Variants in SEMA3E observed in about 807,000 individuals in gnomAD.
SEMA3E encodes the protein semaphorin 3E.
Under a neutral mutation model 93.6 loss-of-function variants are expected in SEMA3E, and 49 were observed. The observed-to-expected ratio is 0.52, with a 90% confidence interval of 0.42 to 0.66. SEMA3E has a LOEUF of 0.66. Ranked by LOEUF, SEMA3E falls within the 30% of genes least tolerant of loss-of-function variation. The pLI, the probability that SEMA3E is intolerant of heterozygous loss-of-function variation, is 0.00. For missense variants in SEMA3E, 906 were observed against 964.8 expected, an observed-to-expected ratio of 0.94 and a Z score of 0.81; for synonymous variants, 363 against 330.7, an observed-to-expected ratio of 1.10 and a Z score of -1.06.
At chr7:83,370,925 T>A (rs1794741308) in intron 16 of SEMA3E, among the ~76,000 whole-genome samples, 1 of 152,172 alleles carries the variant, frequency 6.6e-6, no homozygotes, top group Admixed American at 6.6e-5. Context: ...CAGATCTCTA[T>A]TTCTTGCCTG....
At chr7:83,576,451 G>A (rs1361032145) in intron 1 of SEMA3E, among the ~76,000 whole-genome samples, 1 of 151,782 alleles carries the variant, frequency 6.6e-6, no homozygotes, top group Non-Finnish European at 1.5e-5. Flanking sequence ...ATATATCACA[G>A]GATATATAAG....
chr7:83,526,134 A>C (rs960299848), intron 1 of SEMA3E, among the ~76,000 whole-genome samples: 2 of 152,064 alleles, frequency 1.3e-5, no homozygotes, highest in African/African-American at 4.8e-5. Context: ...CAGCCTATAC[A>C]CATTTCTTCC....
At chr7:83,623,896 C>A (rs527438544) in intron 1 of SEMA3E, among the ~76,000 whole-genome samples, 2 of 151,702 alleles carry the variant, frequency 1.3e-5, no homozygotes, top group East Asian at 1.9e-4. Context: ...CCCAACAGGC[C>A]CCAGTGTGTG....
At chr7:83,603,320 T>C (rs561060822) in intron 1 of SEMA3E, among the ~76,000 whole-genome samples, 6 of 152,122 alleles carry the variant, frequency 3.9e-5, no homozygotes, top group African/African-American at 1.4e-4. Flanking sequence ...TTTCTGGCCA[T>C]ATTAGGGAGG....
chr7:83,643,154 G>A (rs1012370446), intron 1 of SEMA3E, among the ~76,000 whole-genome samples: 10 of 152,014 alleles, frequency 6.6e-5, no homozygotes, highest in Non-Finnish European at 1.3e-4. Flanking sequence ...TAGAACTGAG[G>A]CCACCAAGTG....
chr7:83,374,595 T>C (rs1029163560), intron 16 of SEMA3E, among the ~76,000 whole-genome samples: 2 of 152,100 alleles, frequency 1.3e-5, no homozygotes, highest in Non-Finnish European at 2.9e-5. Context: ...TAAGTAACAG[T>C]CAAGCAATGA....
intron 11 of SEMA3E, among the ~76,000 whole-genome samples, chr7:83,397,351 T>C (rs370897229): frequency 6.6e-5 from 10 of 152,280 alleles, no homozygotes; most frequent in African/African-American, 7.2e-5. Context: ...TTATTCTAGC[T>C]ACTTTTTCTG....
chr7:83,454,347 TTAAAA>T (rs1789439856), intron 4 of SEMA3E, among the ~76,000 whole-genome samples: 1 of 138,078 alleles, frequency 7.2e-6, no homozygotes, highest in Non-Finnish European at 1.6e-5. Flanking sequence ...AACAGAAACT[TTAAAA>T]TAACAGATTT....
intron 1 of SEMA3E, among the ~76,000 whole-genome samples, chr7:83,630,158 G>C (rs879272766): frequency 6.6e-6 from 1 of 152,178 alleles, no homozygotes; most frequent in Non-Finnish European, 1.5e-5. Context: ...AGGCACCTCA[G>C]TTGGAAATGC....
At chr7:83,648,389 T>TA (rs753343464) in intron 1 of SEMA3E, 39 bp downstream of exon 1, 2 of 1,427,940 alleles carry the variant, frequency 1.4e-6, no homozygotes, top group African/African-American at 2.9e-5. Context: ...TTTTCTTTTT[T>TA]TTTTTTTTTA....
intron 1 of SEMA3E, among the ~76,000 whole-genome samples, chr7:83,611,142 C>T (rs1415128532): frequency 6.6e-6 from 1 of 150,850 alleles, no homozygotes; most frequent in African/African-American, 2.4e-5. Context: ...TCTATGGCAG[C>T]CCAGCCACTG....
chr7:83,414,819 T>C (rs754730522), intron 5 of SEMA3E, among the ~76,000 whole-genome samples: 1 of 152,074 alleles, frequency 6.6e-6, no homozygotes, highest in Non-Finnish European at 1.5e-5. Context: ...ATGTGTCTTA[T>C]CATACCTTAG....
chr7:83,579,370 T>C (rs6975881), intron 1 of SEMA3E, among the ~76,000 whole-genome samples: 19,969 of 152,108 alleles, frequency 0.13, 1,565 homozygotes, highest in African/African-American at 0.2. Flanking sequence ...TTTCAATCTA[T>C]TTCAAATTCA....
rs188359895 is a variant in SEMA3E, at chr7:83,383,057, T to C, written c.1875+2237A>G. ...AAATTTCAGTTAAATAAAAGGAAGA[T>C]GTATATACTCTGTGGTCTGATAAAT... On this transcript the variant is annotated intron_variant, in intron 16 of 16. Coordinates refer to ENST00000643230, the MANE Select transcript of SEMA3E (RefSeq NM_012431.3). 3.3e-5 allele frequency among the ~76,000 whole-genome samples: 5 copies of C among 152,008 alleles called. No homozygotes were observed. In the East Asian group the frequency reaches 9.7e-4, roughly 29 times the overall value.
At chr7:83,389,637 T>C (rs886176338) in intron 14 of SEMA3E, among the ~76,000 whole-genome samples, 2 of 151,310 alleles carry the variant, frequency 1.3e-5, no homozygotes, top group Admixed American at 6.6e-5. Flanking sequence ...TACACACACA[T>C]ACACGTATAT....
intron 1 of SEMA3E, among the ~76,000 whole-genome samples, chr7:83,637,514 A>G (rs1265456814): frequency 6.6e-6 from 1 of 152,062 alleles, no homozygotes; most frequent in Admixed American, 6.5e-5. Flanking sequence ...AATAATCCCC[A>G]TGTGTCAAGG....
intron 2 of SEMA3E, among the ~76,000 whole-genome samples, chr7:83,486,003 A>G (rs1790244389): frequency 6.6e-6 from 1 of 152,144 alleles, no homozygotes; most frequent in East Asian, 1.9e-4. Flanking sequence ...GATCTGAAGG[A>G]AAGATGTATC....
At chr7:83,415,613 AT>A (rs1206166920) in intron 5 of SEMA3E, among the ~76,000 whole-genome samples, 2 of 152,102 alleles carry the variant, frequency 1.3e-5, no homozygotes, top group African/African-American at 2.4e-5. Flanking sequence ...TATTTATTCA[AT>A]TTTTTATTAA....
At chr7:83,483,858 C>T (rs910788237) in intron 2 of SEMA3E, among the ~76,000 whole-genome samples, 1 of 152,002 alleles carries the variant, frequency 6.6e-6, no homozygotes, top group Non-Finnish European at 1.5e-5. Flanking sequence ...ATTTATCTTC[C>T]CTGAAGAGAT....
Sources: gnomAD v4.1 joint callset for allele counts (sites outside exome capture counted in the v4.1 genomes callset) on GRCh38, gnomAD v4.1.1 for gene constraint, MANE v1.5 for transcripts, NCBI Gene and HGNC (gene_info 2026-07-23, HGNC 2026-07-21) for gene names.